Variants in PPP2R3B observed in about 807,000 individuals in gnomAD.
The protein encoded by PPP2R3B is serine/threonine-protein phosphatase 2A regulatory subunit B'' subunit beta.
In PPP2R3B, 68 loss-of-function variants were observed where a neutral mutation model predicts 72.9. The observed-to-expected ratio is 0.93, with a 90% CI of 0.77 to 1.14. The LOEUF is 1.14. Among genes scored for constraint, PPP2R3B ranks in the 50% most tolerant of loss-of-function variants. The pLI, the probability that PPP2R3B is intolerant of heterozygous loss-of-function variation, is 0.00. For missense variants in PPP2R3B, 1,018 were observed against 842.0 expected, an observed-to-expected ratio of 1.21 and a Z score of -2.59; for synonymous variants, 466 against 375.8, an observed-to-expected ratio of 1.24 and a Z score of -2.78.
chrX:363,777 C>T (rs1420860700), intron 1 of PPP2R3B, among the ~76,000 whole-genome samples: 1 of 152,266 alleles, frequency 6.6e-6, no homozygotes, highest in Non-Finnish European at 1.5e-5. Flanking sequence ...CACTGTGGAG[C>T]CTGCGGCTCT....
rs760291163 is a variant in PPP2R3B, at chrX:361,444, G to A, written c.471C>T (p.His157=). ...CCATGTCATCCATGGTGGCCCTCTC[G>A]TGGGGGAACCGGGCGAAGGTGCTCT... ...KIESTFARFP[H]ERATMDDMGL... Residue 157 remains histidine, a synonymous_variant, in exon 2 of 13, where the codon CAC becomes CAT. Coordinates refer to ENST00000390665, the MANE Select transcript of PPP2R3B (RefSeq NM_013239.5). The A allele has an allele frequency of 2.5e-5, 41 of 1,613,840 alleles. No individual in the cohort carries two copies. The highest frequency in any genetic ancestry group is 1.6e-4 in the Middle Eastern group (1 of 6,076).
intron 2 of PPP2R3B, among the ~76,000 whole-genome samples, chrX:355,893 T>C (rs978314891): frequency 2.8e-4 from 42 of 152,002 alleles, no homozygotes; most frequent in African/African-American, 9.4e-4. Context: ...GGGACGCCTA[T>C]TGTCTTGGTG....
In PPP2R3B at chrX:373,327, C is replaced by A. The variant is rs1163191484; in HGVS notation, c.325-11737G>T. On this transcript the variant is annotated intron_variant, in intron 1 of 12. Transcript: ENST00000390665. ...TGGCACCGCTTCCCACAGAGCAGCA[C>A]CCGGTTTTCGGCGGCGTGCGGCCCG... is the stretch of plus-strand genomic sequence containing the variant. Among the ~76,000 whole-genome samples the A allele has an allele frequency of 2.6e-5, 4 of 152,360 alleles. No individual in the cohort carries two copies. The East Asian group carries it at 7.7e-4, about 29-fold the overall frequency.
At chrX:385,365 G>T (rs1474257902) in intron 1 of PPP2R3B, among the ~76,000 whole-genome samples, 1 of 119,330 alleles carries the variant, frequency 8.4e-6, no homozygotes, top group Admixed American at 1.2e-4. Context: ...GTCTTGCTCT[G>T]GTGCCCAGGC....
At position 334,721 on chromosome X, in the gene PPP2R3B, G is replaced by A. The variant is rs753915457; in HGVS notation, c.1578-204C>T. 5.8e-4 allele frequency: 347 copies of A among 600,196 alleles called. 2 individuals carry two copies. The African/African-American group carries it at 6.2e-3, about 11-fold the overall frequency. The allele number at this position is 600,196 out of a possible 1,614,324, so 37.2% of individuals were successfully genotyped here. On this transcript the variant is annotated intron_variant, in intron 12 of 12. Coordinates refer to ENST00000390665, the MANE Select transcript of PPP2R3B (RefSeq NM_013239.5). ...AATGCTCCCGGGGGAGGGGCCTGCG[G>A]TGCAGGTGAAAACCCACCCAGGACG... is the stretch of plus-strand genomic sequence containing the variant.
chrX:374,904 G>A (rs1235392555), intron 1 of PPP2R3B, among the ~76,000 whole-genome samples: 1 of 152,072 alleles, frequency 6.6e-6, no homozygotes, highest in Non-Finnish European at 1.5e-5. Flanking sequence ...TGGCACTGAC[G>A]CACCCAACCC....
Position 364,506 on chromosome X carries a change from T to TAA in PPP2R3B, c.325-2918_325-2917dup, listed in dbSNP as rs748519595. 5.4e-4 allele frequency among the ~76,000 whole-genome samples: 24 copies of TAA among 44,422 alleles called. 1 individual carries two copies. Among genetic ancestry groups the TAA allele is most frequent in the African/African-American group, 2.0e-3 (21 of 10,470 alleles). The allele number at this position is 44,422 out of a possible 152,430, so 29.1% of individuals were successfully genotyped here. ...CAACATGGCAAAACTTCATCTCTACTAAAAAAAAAAAAAACAAAAAAAAAA... is the reference window on the plus strand; with the variant it reads ...CAACATGGCAAAACTTCATCTCTACTAAAAAAAAAAAAAAAACAAAAAAAAAA... On this transcript the variant is annotated intron_variant, in intron 1 of 12. Coordinates refer to ENST00000390665, the MANE Select transcript of PPP2R3B (RefSeq NM_013239.5).
Position 338,860 on chromosome X carries a change from A to G in PPP2R3B, c.1388T>C (p.Leu463Pro). The G allele has an allele frequency of 6.2e-7, 1 of 1,612,428 alleles. No individual in the cohort carries two copies. Among genetic ancestry groups the G allele is most frequent in the Non-Finnish European group, 8.5e-7 (1 of 1,179,684 alleles). ...GAAGGTGTCGAAGAAGACGTTAGCC[A>G]GCTTGCAGCGCTTCAGGTCCTGCAG... ...ITLQDLKRCK[L>P]ANVFFDTFFN... is the part of the protein sequence containing the mutation. The change falls in exon 11 of 13, where the codon CTG (leucine) becomes CCG (proline). Residue 463 changes from leucine (L) to proline (P), a missense_variant. By Grantham distance (98) the Leu-to-Pro change is moderately conservative (BLOSUM62 -3). Coordinates refer to ENST00000390665, the MANE Select transcript of PPP2R3B (RefSeq NM_013239.5).
rs908772336 is a variant in PPP2R3B, at chrX:334,504, G to A, written c.1591C>T (p.Leu531Phe). The change falls in exon 13 of 13, where the codon CTC becomes TTC. Residue 531 changes from leucine to phenylalanine, a missense_variant. Leu to Phe is a conservative substitution (Grantham distance 22). Coordinates refer to ENST00000390665, the MANE Select transcript of PPP2R3B (RefSeq NM_013239.5). ...CTCAGCTTCTGCTCCACAGGGCTGAGCTCGGCCTCGAACCTGCAACGAGGG... is the reference window on the plus strand; with the variant it reads ...CTCAGCTTCTGCTCCACAGGGCTGAACTCGGCCTCGAACCTGCAACGAGGG... Reference protein sequence around the residue: ...EPWEDGFEAELSPVEQKLSAL... With the variant: ...EPWEDGFEAEFSPVEQKLSAL... 35 of 1,555,226 alleles carry A rather than the reference G, an allele frequency of 2.3e-5. No homozygotes were observed. The highest frequency in any genetic ancestry group is 3.0e-5 in the Non-Finnish European group (35 of 1,157,656).
chrX:345,700 G>A (rs1012527088), intron 6 of PPP2R3B, 28 bp from the exon 7 acceptor site: 16 of 1,608,926 alleles, frequency 9.9e-6, no homozygotes, highest in South Asian at 9.9e-5. Flanking sequence ...CGGCCTGAGC[G>A]CGGGGCCTCT....
chrX:383,358 T>C, intron 1 of PPP2R3B, among the ~76,000 whole-genome samples: 1 of 152,238 alleles, frequency 6.6e-6, no homozygotes, highest in South Asian at 2.1e-4. Context: ...GATGGAAAGC[T>C]GGTGTTCAGC....
intron 1 of PPP2R3B, among the ~76,000 whole-genome samples, chrX:382,969 C>T (rs1161186340): frequency 6.6e-6 from 1 of 152,098 alleles, no homozygotes; most frequent in Non-Finnish European, 1.5e-5. Context: ...TCAACCTCCT[C>T]AGTAAATGAG....
chrX:382,248 A>G (rs1428861461), intron 1 of PPP2R3B, among the ~76,000 whole-genome samples: 1 of 143,642 alleles, frequency 7.0e-6, no homozygotes, highest in Non-Finnish European at 1.5e-5. Context: ...CCCAGGCTGG[A>G]GTGCAGTGGC....
chrX:345,311 A>G, intron 7 of PPP2R3B: 1 of 766,672 alleles, frequency 1.3e-6, no homozygotes, highest in Non-Finnish European at 2.2e-6. Context: ...GGCCTCGGGC[A>G]GAGGCGCACG....
intron 1 of PPP2R3B, among the ~76,000 whole-genome samples, chrX:365,217 CAAAA>C: frequency 5.3e-5 from 2 of 37,706 alleles, no homozygotes; most frequent in Non-Finnish European, 5.0e-5. Context: ...TGTCTCAAAA[CAAAA>C]CAAACGATTA....
chrX:338,936 T>A, intron 10 of PPP2R3B, 40 bp from the exon 11 acceptor site: 1 of 1,567,006 alleles, frequency 6.4e-7, no homozygotes, highest in Non-Finnish European at 8.8e-7. Flanking sequence ...GTGAGCCCGG[T>A]CTCACCTTCG....
chrX:344,729 G>C (rs2071159796), intron 7 of PPP2R3B, among the ~76,000 whole-genome samples: 1 of 152,222 alleles, frequency 6.6e-6, no homozygotes, highest in Admixed American at 6.5e-5. Flanking sequence ...CTGAGCGCAG[G>C]ACAAATCCAG....
intron 2 of PPP2R3B, among the ~76,000 whole-genome samples, chrX:352,297 C>T (rs1341952700): frequency 2.0e-5 from 3 of 152,242 alleles, no homozygotes; most frequent in Admixed American, 6.5e-5. Context: ...GGCCCGGCAA[C>T]GCGGCGGCAC....
intron 5 of PPP2R3B, 152 bp downstream of exon 5, chrX:346,549 C>G: frequency 1.4e-6 from 1 of 740,606 alleles, no homozygotes; most frequent in Admixed American, 3.0e-5. Flanking sequence ...GGCTCCCGGG[C>G]GGGTGGAGAC....
Sources: gnomAD v4.1 joint callset for allele counts (sites outside exome capture counted in the v4.1 genomes callset) on GRCh38, gnomAD v4.1.1 for gene constraint, MANE v1.5 for transcripts, NCBI Gene and HGNC (gene_info 2026-07-23, HGNC 2026-07-21) for gene names.